The following CPB2 variants were observed in gnomAD, a reference collection of about 807,000 sequenced individuals.
CPB2 encodes carboxypeptidase B-like protein.
Under a neutral mutation model 57.0 loss-of-function variants are expected in CPB2, and 54 were observed. The ratio of observed to expected loss-of-function variants is 0.95; its 90% CI spans 0.76 to 1.19. CPB2 has a LOEUF of 1.19. Ranked by LOEUF, CPB2 falls within the 50% of genes most tolerant of loss-of-function variation. The pLI, the probability that CPB2 is intolerant of heterozygous loss-of-function variation, is 0.00. For synonymous variants in CPB2, 189 were observed against 178.1 expected, an observed-to-expected ratio of 1.06 and a Z score of -0.49; for missense variants, 426 against 512.0, an observed-to-expected ratio of 0.83 and a Z score of 1.62.
chr13:46,090,560 C>T (rs2045277289), intron 1 of CPB2, among the ~76,000 whole-genome samples: 1 of 151,456 alleles, frequency 6.6e-6, no homozygotes, highest in Non-Finnish European at 1.5e-5. Context: ...GACGTGGTTT[C>T]ACCATGTTAG....
chr13:46,093,643 AAAGTT>A (rs1289353609), intron 1 of CPB2, among the ~76,000 whole-genome samples: 2 of 152,196 alleles, frequency 1.3e-5, no homozygotes, highest in South Asian at 2.1e-4. Flanking sequence ...TTTTGGAAAA[AAAGTT>A]AGAAAGATAA....
chr13:46,078,775 A>T, intron 5 of CPB2, 25 bp downstream of exon 5: 1 of 1,438,460 alleles, frequency 7.0e-7, no homozygotes, highest in Non-Finnish European at 9.8e-7. Context: ...ACAGTGAAAG[A>T]TCAACAACTT....
intron 6 of CPB2, 114 bp downstream of exon 6, chr13:46,073,759 G>T: frequency 1.6e-6 from 1 of 611,136 alleles, no homozygotes; most frequent in Non-Finnish European, 2.6e-6. Flanking sequence ...AGATTCCCAA[G>T]CTTCATGATG....
intron 4 of CPB2, among the ~76,000 whole-genome samples, chr13:46,080,971 C>CAAA (rs11412601): frequency 2.9e-4 from 29 of 98,520 alleles, no homozygotes; most frequent in Middle Eastern, 6.4e-3. Flanking sequence ...AACTCTGTCT[C>CAAA]AAAAAAAAAA....
chr13:46,082,512 G>A lies in CPB2; in HGVS notation c.313C>T (p.Gln105Ter). The part of the protein sequence containing the change: ...LADVEDLIQQ[Q>*]ISNDTVSPRA... The stretch of plus-strand genomic sequence containing the variant: ...GGGCTGACTGTGTCGTTGGAAATCT[G>A]CTGTTGAATAAGATCTTCCACATCT... Residue 105 changes from glutamine (Q) to a stop codon, truncating the protein, a stop_gained, in exon 4 of 11, where the codon CAG becomes TAG. Transcript: ENST00000181383. LOFTEE classifies it high-confidence loss of function. 1.2e-6 allele frequency: 2 copies of A among 1,613,610 alleles called. No homozygotes were observed.
chr13:46,100,594 G>A (rs1566421356), intron 1 of CPB2: 1 of 152,222 alleles, frequency 6.6e-6, no homozygotes, highest in Non-Finnish European at 1.5e-5. Context: ...ACTTCCAGGA[G>A]ATAATGAGAG....
At chr13:46,057,659 A>G (rs2044715118) in intron 9 of CPB2, among the ~76,000 whole-genome samples, 3 of 152,210 alleles carry the variant, frequency 2.0e-5, no homozygotes, top group Admixed American at 6.5e-5. Flanking sequence ...ATTGTCTGTT[A>G]TGTTCCAAAA....
At chr13:46,062,350 A>T (rs561928232) in intron 8 of CPB2, among the ~76,000 whole-genome samples, 1 of 152,284 alleles carries the variant, frequency 6.6e-6, no homozygotes, top group Non-Finnish European at 1.5e-5. Context: ...TGAGGAAGGG[A>T]CTTAACTGTT....
At position 46,084,281 on chromosome 13, in the gene CPB2, A is replaced by C. The variant is rs1280785871; in HGVS notation, c.213T>G (p.Phe71Leu). The C allele has an allele frequency of 6.2e-7, 1 of 1,614,032 alleles. No individual in the cohort carries two copies. The highest frequency in any genetic ancestry group is 1.1e-5 in the South Asian group (1 of 91,082). ...CATTGTCGACATCAGATGCATTTAC[A>C]AAAAAATGGACTTGTTTTTTCTTCA... ...LIVKKKQVHF[F>L]VNASDVDNVK... The change falls in exon 3 of 11, where the codon TTT becomes TTG. Residue 71 changes from phenylalanine to leucine, a missense_variant. Coordinates refer to ENST00000181383, the MANE Select transcript of CPB2 (RefSeq NM_001872.5).
chr13:46,059,737 G>T (rs1366311249), intron 8 of CPB2, among the ~76,000 whole-genome samples: 1 of 152,192 alleles, frequency 6.6e-6, no homozygotes, highest in African/African-American at 2.4e-5. Context: ...TCTGAGTCCA[G>T]CTGCATCTCT....
intron 5 of CPB2, among the ~76,000 whole-genome samples, chr13:46,074,985 G>A (rs576261392): frequency 4.6e-5 from 7 of 152,320 alleles, no homozygotes; most frequent in Admixed American, 3.3e-4. Context: ...CTCCAGTTGC[G>A]TGGCCGCGTT....
rs983812393 is a variant in CPB2 at position 46,104,946 on chromosome 13, C to T, written c.64G>A (p.Ala22Thr). 2.2e-5 allele frequency: 35 copies of T among 1,613,784 alleles called. No individual in the cohort carries two copies. Among genetic ancestry groups the T allele is most frequent in the East Asian group, 4.5e-5 (2 of 44,888 alleles). Residue 22 changes from alanine to threonine, a missense_variant, in exon 1 of 11, where the codon GCG becomes ACG. By Grantham distance (58) the Ala-to-Thr change is moderately conservative (BLOSUM62 0). Transcript: ENST00000181383. ...IVLFCEQHVFAFQSGQVLAAL... is the reference protein window; with the variant it reads ...IVLFCEQHVFTFQSGQVLAAL... ...ATTCTATTGGGTTACCTCTGAAACG[C>T]GAAGACATGCTGCTCACAGAAGAGA...
At chr13:46,083,165 A>T (rs940225035) in intron 3 of CPB2, among the ~76,000 whole-genome samples, 2 of 152,158 alleles carry the variant, frequency 1.3e-5, no homozygotes, top group Non-Finnish European at 2.9e-5. Flanking sequence ...TAGCTATCAT[A>T]CTAATAAAGG....
intron 1 of CPB2, among the ~76,000 whole-genome samples, chr13:46,102,848 CCTCCT>C (rs1397519771): frequency 6.6e-6 from 1 of 152,006 alleles, no homozygotes; most frequent in African/African-American, 2.4e-5. Context: ...GGTCCTCCTA[CCTCCT>C]CTCCTCTGCA....
At chr13:46,064,611 T>C (rs1221527195) in intron 8 of CPB2, 37 bp downstream of exon 8, 6 of 1,521,268 alleles carry the variant, frequency 3.9e-6, no homozygotes, top group Non-Finnish European at 5.5e-6. Flanking sequence ...ACCCTTTCAG[T>C]GAAGAGACAT....
chr13:46,059,343 A>C (rs1370012684), intron 8 of CPB2, among the ~76,000 whole-genome samples: 1 of 152,332 alleles, frequency 6.6e-6, no homozygotes, highest in East Asian at 1.9e-4. Flanking sequence ...ATAAGAGGCT[A>C]TACAGCATAT....
chr13:46,078,975 ACTT>A (rs1182092104), intron 4 of CPB2, 74 bp from the exon 5 acceptor site: 5 of 914,284 alleles, frequency 5.5e-6, no homozygotes, highest in African/African-American at 4.9e-5. Context: ...CAAGCAGACA[ACTT>A]CTTCAGAGAA....
chr13:46,064,095 TA>T (rs765592639), intron 8 of CPB2, among the ~76,000 whole-genome samples: 1 of 151,216 alleles, frequency 6.6e-6, no homozygotes, highest in Non-Finnish European at 1.5e-5. Context: ...CCATCTGTAC[TA>T]AAAAAAATAC....
chr13:46,078,833 G>A lies in CPB2; in HGVS notation c.453C>T (p.Ser151=), dbSNP rs1480605791. The change falls in exon 5 of 11, where the codon TCC becomes TCT. Residue 151 remains serine (S), a synonymous_variant. Coordinates refer to ENST00000181383, the MANE Select transcript of CPB2 (RefSeq NM_001872.5). ...PDMLTKIHIG[S]SFEKYPLYVL... is the part of the protein sequence containing the mutation. Reference sequence around the variant, plus strand: ...CATAGAGTGGGTACTTCTCAAATGAGGATCCAATGTGGATTTTTGTAAGCA... The same window carrying A: ...CATAGAGTGGGTACTTCTCAAATGAAGATCCAATGTGGATTTTTGTAAGCA... The A allele has an allele frequency of 6.2e-7, 1 of 1,611,560 alleles. No individual in the cohort carries two copies. Among genetic ancestry groups the A allele is most frequent in the Non-Finnish European group, 8.5e-7 (1 of 1,177,946 alleles).
Sources: gnomAD v4.1 joint callset for allele counts (sites outside exome capture counted in the v4.1 genomes callset) on GRCh38, gnomAD v4.1.1 for gene constraint, MANE v1.5 for transcripts, NCBI Gene and HGNC (gene_info 2026-07-23, HGNC 2026-07-21) for gene names.